COL4A5: variants seen among roughly 807,000 people sequenced by gnomAD.
COL4A5 encodes the protein collagen alpha-5(IV) chain.
Under a neutral mutation model 130.2 loss-of-function variants are expected in COL4A5, and 26 were observed. That is an observed-to-expected ratio of 0.20 (90% confidence interval 0.15 to 0.28). The LOEUF (loss-of-function observed/expected upper bound fraction) is 0.28. COL4A5 is among the 10% of genes least tolerant of loss of function. The probability of loss-of-function intolerance (pLI) is 1.00; values close to 1 mark genes in which losing one functional copy is unlikely to be tolerated. For missense variants in COL4A5, 1,131 were observed against 1,344.3 expected (o/e 0.84, Z 2.48); for synonymous variants, 496 against 439.6 (o/e 1.13, Z -1.60).
intron 4 of COL4A5, among the ~76,000 whole-genome samples, chrX:108,567,210 TAG>T (rs2065988153): frequency 8.9e-6 from 1 of 112,223 alleles, no homozygotes; most frequent in Non-Finnish European, 1.9e-5. Flanking sequence ...GCTAAAGAAT[TAG>T]AGTTAAGATA....
intron 46 of COL4A5, 64 bp from the exon 47 acceptor site, chrX:108,681,696 A>G (rs1197573888): frequency 1.7e-6 from 2 of 1,202,840 alleles, no homozygotes; most frequent in Admixed American, 2.2e-5. Context: ...AACTTAGGTC[A>G]CTTTGGCTTC....
intron 40 of COL4A5, among the ~76,000 whole-genome samples, chrX:108,667,753 G>A (rs775131056): frequency 9.0e-6 from 1 of 110,689 alleles, no homozygotes; most frequent in South Asian, 3.8e-4. Context: ...AAGTCAAATA[G>A]ATATCCTTCC....
At position 108,686,015 on chromosome X, in the gene COL4A5, C is replaced by T; in HGVS notation, c.4217-16C>T. ...ATATTCTACTCATATTTGAATGCCT[C>T]ATTCTTTTCCTGTAGGTCCAACTGG... On this transcript the variant is annotated splice_polypyrimidine_tract_variant and intron_variant, in intron 47 of 52. Coordinates refer to ENST00000328300, the MANE Select transcript of COL4A5 (RefSeq NM_033380.3). 8.5e-7 allele frequency: 1 copy of T among 1,179,169 alleles called. No homozygotes were observed. Among genetic ancestry groups the T allele is most frequent in the Non-Finnish European group, 1.2e-6 (1 of 866,283 alleles).
At position 108,621,870 on chromosome X, in the gene COL4A5, G is replaced by A; in HGVS notation, c.2745G>A (p.Arg915=). ...CAGGACCTTTGGGAATTCCTGGCAG[G>A]AGTGGTGTACCTGGTCTTAAAGGTA... ...GPPGPLGIPG[R]SGVPGLKGDD... is the part of the protein sequence containing the mutation. Residue 915 remains arginine (R), a synonymous_variant, in exon 32 of 53, where the codon AGG becomes AGA. Transcript: ENST00000328300. 8.3e-7 allele frequency: 1 copy of A among 1,207,373 alleles called. No individual in the cohort carries two copies. The highest frequency in any genetic ancestry group is 1.1e-6 in the Non-Finnish European group (1 of 891,700).
intron 36 of COL4A5, among the ~76,000 whole-genome samples, chrX:108,639,413 A>C (rs1047092745): frequency 1.3e-4 from 14 of 111,758 alleles, no homozygotes; most frequent in African/African-American, 4.2e-4. Flanking sequence ...GTAAGACCTA[A>C]AACTATAAAA....
At chrX:108,536,252 A>G (rs1456023634) in intron 1 of COL4A5, among the ~76,000 whole-genome samples, 1 of 105,211 alleles carries the variant, frequency 9.5e-6, no homozygotes, top group African/African-American at 3.8e-5. Flanking sequence ...CTTTTATCAT[A>G]TAGTAGTTGT....
intron 49 of COL4A5, chrX:108,689,838 T>C (rs1272289237): frequency 9.3e-6 from 7 of 752,091 alleles, no homozygotes; most frequent in Non-Finnish European, 1.1e-5. Context: ...ATTAGTCTAT[T>C]AAAGTCTTAT....
At chrX:108,572,749 A>G (rs1361160909) in intron 8 of COL4A5, among the ~76,000 whole-genome samples, 1 of 111,847 alleles carries the variant, frequency 8.9e-6, no homozygotes, top group Non-Finnish European at 1.9e-5. Flanking sequence ...GCAACCAAGA[A>G]TGACATTTTA....
intron 1 of COL4A5, among the ~76,000 whole-genome samples, chrX:108,467,323 C>T (rs899321090): frequency 2.7e-5 from 3 of 111,854 alleles, no homozygotes; most frequent in Non-Finnish European, 5.6e-5. Flanking sequence ...GATGTATGGG[C>T]TTATTTCTAG....
intron 43 of COL4A5, 64 bp from the exon 44 acceptor site, chrX:108,677,436 G>A: frequency 9.1e-7 from 1 of 1,097,395 alleles, no homozygotes. Flanking sequence ...TATTTTAAAA[G>A]CCTGACTTTT....
At chrX:108,500,557 G>A (rs947622398) in intron 1 of COL4A5, among the ~76,000 whole-genome samples, 2 of 111,656 alleles carry the variant, frequency 1.8e-5, no homozygotes, top group Admixed American at 9.5e-5. Context: ...TGGTTAATGT[G>A]GGCAATGATA....
At position 108,582,881 on chromosome X, in the gene COL4A5, A is replaced by T; in HGVS notation, c.937-3A>T. 8.3e-7 allele frequency: 1 copy of T among 1,200,035 alleles called. No homozygotes were observed. Among genetic ancestry groups the T allele is most frequent in the Non-Finnish European group, 1.1e-6 (1 of 885,484 alleles). ...ATGTCACCCTATCCTCTATGTTTTAAAGGGTTTGCCTGGTGATCCTGGTTA... is the reference window on the plus strand; with the variant it reads ...ATGTCACCCTATCCTCTATGTTTTATAGGGTTTGCCTGGTGATCCTGGTTA... On this transcript the variant is annotated splice_region_variant and splice_polypyrimidine_tract_variant and intron_variant, in intron 16 of 52. Transcript: ENST00000328300.
intron 1 of COL4A5, among the ~76,000 whole-genome samples, chrX:108,527,602 C>G (rs955190481): frequency 4.5e-5 from 5 of 111,970 alleles, no homozygotes; most frequent in African/African-American, 1.6e-4. Context: ...TGCTACCACC[C>G]CTCACCTGAA....
rs1014084464 is a variant in COL4A5, at chrX:108,696,765, C to T, written c.*387C>T. 2 of 127,954 alleles carry T rather than the reference C, an allele frequency of 1.6e-5. No individual in the cohort carries two copies. The highest frequency in any genetic ancestry group is 2.4e-4 in the South Asian group (1 of 4,093). The allele number at this position is 127,954 out of a possible 1,213,427, so 10.5% of individuals were successfully genotyped here. A position where few individuals can be genotyped will look rare whatever the true frequency, so the allele number is the denominator to read the frequency against. On this transcript the variant is annotated 3_prime_UTR_variant, in exon 53 of 53. Transcript: ENST00000328300. ...AGTTTGTGGGAAGAATTATTTTTCACGGTGCTACTAATCCTGCTGTATCCC... is the reference window on the plus strand; with the variant it reads ...AGTTTGTGGGAAGAATTATTTTTCATGGTGCTACTAATCCTGCTGTATCCC...
At chrX:108,667,340 G>A (rs756555754) in intron 40 of COL4A5, among the ~76,000 whole-genome samples, 157 bp downstream of exon 40, 1 of 111,535 alleles carries the variant, frequency 9.0e-6, no homozygotes, top group Non-Finnish European at 1.9e-5. Flanking sequence ...TTATTATTTA[G>A]CAACTTAGTT....
intron 1 of COL4A5, among the ~76,000 whole-genome samples, chrX:108,468,534 C>A (rs2064731895): frequency 9.4e-6 from 1 of 106,192 alleles, no homozygotes; most frequent in African/African-American, 3.4e-5. Flanking sequence ...TGAGACTGCT[C>A]CTTTACATTC....
At chrX:108,452,295 C>G (rs1287531976) in intron 1 of COL4A5, among the ~76,000 whole-genome samples, 2 of 111,809 alleles carry the variant, frequency 1.8e-5, no homozygotes, top group Non-Finnish European at 3.8e-5. Context: ...TTAGGATTGA[C>G]TTGGCGATGC....
At chrX:108,468,978 A>G (rs768594366) in intron 1 of COL4A5, among the ~76,000 whole-genome samples, 2 of 110,704 alleles carry the variant, frequency 1.8e-5, no homozygotes, top group South Asian at 7.6e-4. Context: ...CTATCTAGCT[A>G]TGGACTTTAC....
chrX:108,682,996 T>G (rs1490788596), intron 47 of COL4A5, among the ~76,000 whole-genome samples: 1 of 112,220 alleles, frequency 8.9e-6, no homozygotes, highest in Non-Finnish European at 1.9e-5. Flanking sequence ...TGGTATTGCC[T>G]AGGTTTTCTT....
Sources: gnomAD v4.1 joint callset for allele counts (sites outside exome capture counted in the v4.1 genomes callset) on GRCh38, gnomAD v4.1.1 for gene constraint, MANE v1.5 for transcripts, NCBI Gene and HGNC (gene_info 2026-07-23, HGNC 2026-07-21) for gene names.